Variants in CFAP161 observed in about 807,000 individuals in gnomAD.
The protein encoded by CFAP161 is cilia- and flagella-associated protein 161.
A neutral mutation model predicts 29.0 loss-of-function variants in CFAP161; 25 were observed. That is an observed-to-expected ratio of 0.86 (90% CI 0.63 to 1.20). CFAP161 has a LOEUF of 1.20. Among genes scored for constraint, CFAP161 ranks in the 50% most tolerant of loss-of-function variants. CFAP161 has a pLI of 0.00. For missense variants in CFAP161, 367 were observed against 371.9 expected, an observed-to-expected ratio of 0.99 and a Z score of 0.11; for synonymous variants, 116 against 137.4, an observed-to-expected ratio of 0.84 and a Z score of 1.09.
upstream of CFAP161, among the ~76,000 whole-genome samples, chr15:81,133,221 ATATG>A (rs1555449896): frequency 0.016 from 530 of 32,448 alleles, 53 homozygotes; most frequent in Non-Finnish European, 0.028. Context: ...ATATATATAT[ATATG>A]TATTTTTTTT....
Position 81,147,873 on chromosome 15 carries a change from C to A in CFAP161, c.652C>A (p.Leu218Ile), listed in dbSNP as rs1365181326. 5.6e-6 allele frequency: 9 copies of A among 1,607,994 alleles called. No individual in the cohort carries two copies. Among genetic ancestry groups the A allele is most frequent in the Non-Finnish European group, 7.6e-6 (9 of 1,177,776 alleles). ...GFPVPANAKI[L>I]INHCHTNRGL... The stretch of plus-strand genomic sequence containing the variant: ...ATCTGTTAAGGCAAATGCTAAAATT[C>A]TCATCAATCACTGTCACACAAATCG... The change falls in exon 6 of 7, where the codon CTC becomes ATC. Residue 218 changes from leucine to isoleucine, a missense_variant. Coordinates refer to ENST00000286732, the MANE Select transcript of CFAP161 (RefSeq NM_173528.4).
chr15:81,148,592 G>A lies in CFAP161; in HGVS notation c.*59G>A. ...GCTCTCATCAAATGTAGCTTTAAAA[G>A]AAATTAACAACCTTGGTCATGCCTC... On this transcript the variant is annotated 3_prime_UTR_variant, in exon 7 of 7. Transcript: ENST00000286732. 6.6e-7 allele frequency: 1 copy of A among 1,509,038 alleles called. No individual in the cohort carries two copies. The highest frequency in any genetic ancestry group is 9.0e-7 in the Non-Finnish European group (1 of 1,110,744). The allele number at this position is 1,509,038 out of a possible 1,614,324, so 93.5% of individuals were successfully genotyped here.
chr15:81,121,509 CAAA>C (rs1894572267), intron 1 of CFAP161, among the ~76,000 whole-genome samples: 1 of 87,074 alleles, frequency 1.1e-5, no homozygotes, highest in African/African-American at 3.4e-5. Flanking sequence ...TTTTTTTCAT[CAAA>C]AACACATCTG....
chr15:81,134,294 T>C lies in CFAP161; in HGVS notation c.-36T>C. ...CGACGCGCCACGCTAACGCATGGTG[T>C]CGGAGGGAGGCCCACTTGCTGAACA... On this transcript the variant is annotated 5_prime_UTR_variant, in exon 1 of 7. Coordinates refer to ENST00000286732, the MANE Select transcript of CFAP161 (RefSeq NM_173528.4). 1 of 1,565,290 alleles carries C rather than the reference T, an allele frequency of 6.4e-7. No individual in the cohort carries two copies.
intron 1 of CFAP161, among the ~76,000 whole-genome samples, chr15:81,120,370 G>A (rs768727275): frequency 3.3e-5 from 5 of 152,226 alleles, no homozygotes; most frequent in Non-Finnish European, 7.3e-5. Context: ...GGAAAGCCAA[G>A]AGTATGGAAT....
At chr15:81,113,512 A>C (rs1330644517) in intron 1 of CFAP161, among the ~76,000 whole-genome samples, 1 of 152,154 alleles carries the variant, frequency 6.6e-6, no homozygotes, top group South Asian at 2.1e-4. Flanking sequence ...TAAAATCAGG[A>C]GTTCCCATGG....
At chr15:81,133,209 A>G (rs1405865102), upstream of CFAP161, among the ~76,000 whole-genome samples, 95 of 41,854 alleles carry the variant, frequency 2.3e-3, 4 homozygotes, top group African/African-American at 9.2e-3. Flanking sequence ...ATATATATAT[A>G]TATATATATA....
At position 81,139,176 on chromosome 15, in the gene CFAP161, G is replaced by A. The variant is rs76163275; in HGVS notation, c.477+1041G>A. On this transcript the variant is annotated intron_variant, in intron 4 of 6. Transcript: ENST00000286732. ...AAAAATTGGCCAGGTATGGTGACGC[G>A]CTCCTGTAGTCCCACATACTCATGA... 1.3e-3 allele frequency among the ~76,000 whole-genome samples: 196 copies of A among 152,046 alleles called. 1 individual carries two copies. Among genetic ancestry groups the A allele is most frequent in the Middle Eastern group, 0.01 (3 of 294 alleles).
chr15:81,128,734 C>A (rs113105144), intron 2 of CFAP161, among the ~76,000 whole-genome samples: 2,512 of 152,182 alleles, frequency 0.017, 71 homozygotes, highest in African/African-American at 0.055. Flanking sequence ...AATGGCAAAT[C>A]CTTTCCAGAA....
At chr15:81,142,623 A>C (rs1295384762) in intron 4 of CFAP161, among the ~76,000 whole-genome samples, 1 of 152,132 alleles carries the variant, frequency 6.6e-6, no homozygotes, top group Non-Finnish European at 1.5e-5. Context: ...TTTTGTGCTC[A>C]ATCACCTCTT....
chr15:81,107,263 A>T (rs550248404), intron 1 of CFAP161, among the ~76,000 whole-genome samples: 1 of 152,184 alleles, frequency 6.6e-6, no homozygotes, highest in Non-Finnish European at 1.5e-5. Flanking sequence ...CACACACGTC[A>T]TCTTACATAC....
intron 4 of CFAP161, among the ~76,000 whole-genome samples, chr15:81,140,077 C>G (rs1894880797): frequency 6.6e-6 from 1 of 152,114 alleles, no homozygotes; most frequent in African/African-American, 2.4e-5. Flanking sequence ...CCTCTCCTCT[C>G]TCCTGCAAAT....
intron 4 of CFAP161, among the ~76,000 whole-genome samples, chr15:81,139,119 T>C (rs1382969520): frequency 6.6e-6 from 1 of 151,926 alleles, no homozygotes; most frequent in Non-Finnish European, 1.5e-5. Context: ...TTTGGCAACA[T>C]AGCGAGACCT....
intron 1 of CFAP161, among the ~76,000 whole-genome samples, chr15:81,113,051 G>C (rs761369481): frequency 2.0e-5 from 3 of 152,072 alleles, no homozygotes; most frequent in South Asian, 2.1e-4. Context: ...ATGATAAAAA[G>C]AGTAAAAAGT....
At chr15:81,147,381 G>T (rs926251227) in intron 5 of CFAP161, among the ~76,000 whole-genome samples, 1 of 152,182 alleles carries the variant, frequency 6.6e-6, no homozygotes, top group East Asian at 1.9e-4. Context: ...GTTGGCCTGT[G>T]TTCTTTTTGG....
At chr15:81,108,835 G>T (rs1022782483) in intron 1 of CFAP161, among the ~76,000 whole-genome samples, 12 of 152,226 alleles carry the variant, frequency 7.9e-5, no homozygotes, top group Non-Finnish European at 1.8e-4. Flanking sequence ...CAGCTGTAAA[G>T]AATTGAGGTT....
In CFAP161 at chr15:81,148,443, G is replaced by C; in HGVS notation, c.816G>C (p.Arg272Ser). The change falls in exon 7 of 7, where the codon AGG becomes AGC. Residue 272 changes from arginine (R) to serine (S), a missense_variant. Transcript: ENST00000286732. ...NHWMLVTGNP[R>S]DASSSMLDLP... ...GGATGTTGGTTACTGGGAATCCCAG[G>C]GATGCCTCGTCCTCCATGTTGGATC... The C allele has an allele frequency of 6.2e-7, 1 of 1,614,166 alleles. No homozygotes were observed. The highest frequency in any genetic ancestry group is 8.5e-7 in the Non-Finnish European group (1 of 1,180,038).
chr15:81,118,248 T>C lies in CFAP161; in HGVS notation c.-141-9342T>C, dbSNP rs1894524540. On this transcript the variant is annotated intron_variant, in intron 1 of 4. Coordinates refer to the CFAP161 transcript ENST00000560091. ...AAATTGAAATCAAACCTACATTTAT[T>C]AAACGGAGGAACTCTAAGTTCACAA... 1.4e-5 allele frequency: 7 copies of C among 509,100 alleles called. No homozygotes were observed. The Admixed American group carries it at 2.1e-4, about 15-fold the overall frequency. 31.5% of individuals were successfully genotyped at this position (509,100 alleles called of 1,614,324 possible). A position where few individuals can be genotyped will look rare whatever the true frequency, so the allele number is the denominator to read the frequency against.
chr15:81,116,034 A>G (rs943833236), intron 1 of CFAP161, among the ~76,000 whole-genome samples: 2 of 152,088 alleles, frequency 1.3e-5, no homozygotes, highest in African/African-American at 4.8e-5. Flanking sequence ...CTGTTTTCTT[A>G]TGTTGTAAAC....
Sources: allele counts gnomAD v4.1 joint callset (sites outside exome capture counted in the v4.1 genomes callset), GRCh38; gene constraint gnomAD v4.1.1; transcripts MANE v1.5; gene names NCBI Gene and HGNC (gene_info 2026-07-23, HGNC 2026-07-21).